The following WWC2 variants were observed in gnomAD, a reference collection of about 807,000 sequenced individuals.
The protein encoded by WWC2 is protein WWC2.
In WWC2, 101 loss-of-function variants were observed where a neutral mutation model predicts 138.5. The ratio of observed to expected loss-of-function variants is 0.73; its 90% CI spans 0.62 to 0.86. The LOEUF (loss-of-function observed/expected upper bound fraction) is 0.86. Among genes scored for constraint, WWC2 ranks in the 40% least tolerant of loss-of-function variants. WWC2 has a pLI of 0.00. For synonymous variants in WWC2, 558 were observed against 538.4 expected (o/e 1.04, Z -0.50); for missense variants, 1,420 against 1,419.4 (o/e 1.00, Z -0.01).
intron 21 of WWC2, among the ~76,000 whole-genome samples, chr4:183,298,969 A>AT (rs779227360): frequency 4.6e-5 from 7 of 152,170 alleles, no homozygotes; most frequent in African/African-American, 1.7e-4. Flanking sequence ...TGCAGAGCAG[A>AT]TTTTTTATCA....
At chr4:183,138,693 C>T (rs1733198584) in intron 1 of WWC2, among the ~76,000 whole-genome samples, 2 of 152,154 alleles carry the variant, frequency 1.3e-5, no homozygotes, top group African/African-American at 2.4e-5. Flanking sequence ...TCCTTTAGGG[C>T]CCCATTTCCT....
chr4:183,145,747 C>A (rs568370649), intron 1 of WWC2, among the ~76,000 whole-genome samples: 186 of 152,308 alleles, frequency 1.2e-3, no homozygotes, highest in Non-Finnish European at 2.4e-3. Flanking sequence ...ATTTCCAGAG[C>A]CAATAGCAGA....
At chr4:183,189,801 G>A (rs897728588) in intron 1 of WWC2, among the ~76,000 whole-genome samples, 4 of 152,110 alleles carry the variant, frequency 2.6e-5, no homozygotes, top group Middle Eastern at 3.2e-3. Flanking sequence ...TTTTTTAAGT[G>A]CTTATTCATT....
Position 183,318,294 on chromosome 4 carries a change from A to T in WWC2, c.*2565A>T, listed in dbSNP as rs1422943239. On this transcript the variant is annotated 3_prime_UTR_variant, in exon 23 of 23. Transcript: ENST00000403733. ...TAGCATGCAAATCAAATAAATTAAA[A>T]TTTTTTGCTATTGCTTTATCTATAT... The T allele has an allele frequency of 2.6e-5, 4 of 152,604 alleles. No individual in the cohort carries two copies. The East Asian group carries it at 7.7e-4, about 29-fold the overall frequency. The allele number at this position is 152,604 out of a possible 1,614,324, so 9.5% of individuals were successfully genotyped here. A position where few individuals can be genotyped will look rare whatever the true frequency, so the allele number is the denominator to read the frequency against.
intron 16 of WWC2, among the ~76,000 whole-genome samples, chr4:183,278,059 A>G (rs1183605540): frequency 5.9e-5 from 9 of 152,206 alleles, no homozygotes; most frequent in East Asian, 3.9e-4. Context: ...GCCCATGCCT[A>G]TGTCCTGAAT....
intron 1 of WWC2, among the ~76,000 whole-genome samples, chr4:183,187,540 G>C (rs1734843494): frequency 1.1e-5 from 1 of 87,684 alleles, no homozygotes; most frequent in African/African-American, 4.8e-5. Context: ...GCGACAGAAC[G>C]AGACTCCGTC....
intron 16 of WWC2, among the ~76,000 whole-genome samples, chr4:183,273,607 T>C (rs1404130934): frequency 6.6e-6 from 1 of 152,130 alleles, no homozygotes; most frequent in Non-Finnish European, 1.5e-5. Context: ...CCAGCCTGTT[T>C]ATTTTTTTAT....
chr4:183,261,565 T>C (rs1341952803), intron 11 of WWC2, 33 bp downstream of exon 11: 2 of 1,572,152 alleles, frequency 1.3e-6, no homozygotes, highest in Non-Finnish European at 1.7e-6. Flanking sequence ...ATGTATTCCC[T>C]GTTAGTGATT....
At chr4:183,101,594 A>C (rs528124083) in intron 1 of WWC2, among the ~76,000 whole-genome samples, 12 of 152,318 alleles carry the variant, frequency 7.9e-5, no homozygotes, top group Non-Finnish European at 1.6e-4. Context: ...TTATATACTC[A>C]GTTTAAATTT....
intron 1 of WWC2, among the ~76,000 whole-genome samples, chr4:183,145,224 T>C (rs1733419717): frequency 6.6e-6 from 1 of 152,212 alleles, no homozygotes; most frequent in Non-Finnish European, 1.5e-5. Flanking sequence ...TAAATGTGTG[T>C]CATTTGTAAC....
intron 7 of WWC2, among the ~76,000 whole-genome samples, 192 bp from the exon 8 acceptor site, chr4:183,249,728 T>C (rs1232539766): frequency 6.6e-6 from 1 of 152,210 alleles, no homozygotes; most frequent in Non-Finnish European, 1.5e-5. Context: ...GAAAAACAGA[T>C]GAGCTTGAAT....
intron 1 of WWC2, among the ~76,000 whole-genome samples, chr4:183,137,788 C>T (rs890992889): frequency 1.1e-4 from 16 of 152,132 alleles, no homozygotes; most frequent in Admixed American, 7.9e-4. Context: ...TGTGAGCCAC[C>T]GTGCCTGGCC....
intron 1 of WWC2, among the ~76,000 whole-genome samples, chr4:183,185,769 G>A (rs1409279817): frequency 6.6e-6 from 1 of 152,068 alleles, no homozygotes; most frequent in South Asian, 2.1e-4. Flanking sequence ...TTGGAGAGGA[G>A]TGTTTATTTT....
At chr4:183,303,811 A>G (rs1560895953) in intron 21 of WWC2, among the ~76,000 whole-genome samples, 1 of 152,072 alleles carries the variant, frequency 6.6e-6, no homozygotes, top group South Asian at 2.1e-4. Context: ...ATATGAATAC[A>G]CTGATGTAGG....
At chr4:183,306,453 G>A (rs905856403) in intron 21 of WWC2, among the ~76,000 whole-genome samples, 5 of 152,102 alleles carry the variant, frequency 3.3e-5, no homozygotes, top group African/African-American at 1.2e-4. Context: ...ACGAAAGTGG[G>A]AGTAGCTATA....
intron 17 of WWC2, 131 bp from the exon 18 acceptor site, chr4:183,282,577 C>A: frequency 2.2e-6 from 2 of 911,044 alleles, no homozygotes; most frequent in Non-Finnish European, 3.3e-6. Flanking sequence ...GTTAAAAACC[C>A]CAGCCAAAGA....
At position 183,265,141 on chromosome 4, in the gene WWC2, C is replaced by T. The variant is rs528274827; in HGVS notation, c.2039+34C>T. 1.3e-5 allele frequency: 21 copies of T among 1,577,726 alleles called. No homozygotes were observed. The East Asian group carries it at 2.3e-4, about 17-fold the overall frequency. ...TCAGCAGGGGCGCTTTTAGCTCCAG[C>T]GAATCTCCATCGCCGTGGATGTGGG... On this transcript the variant is annotated intron_variant, in intron 12 of 22. Coordinates refer to ENST00000403733, the MANE Select transcript of WWC2 (RefSeq NM_024949.6).
chr4:183,269,168 G>T lies in WWC2; in HGVS notation c.2400+5G>T. ...CACCGAAGGGAAGAATGCCTGGTAG[G>T]ATTCTTCATAATTCCCATTACCAAA... On this transcript the variant is annotated splice_donor_5th_base_variant and intron_variant, in intron 15 of 22. Transcript: ENST00000403733. 2 of 1,600,546 alleles carry T rather than the reference G, an allele frequency of 1.2e-6. No homozygotes were observed. The highest frequency in any genetic ancestry group is 1.1e-5 in the South Asian group (1 of 88,630).
At chr4:183,182,880 A>T (rs971925170) in intron 1 of WWC2, among the ~76,000 whole-genome samples, 4 of 152,210 alleles carry the variant, frequency 2.6e-5, no homozygotes, top group African/African-American at 9.6e-5. Context: ...TAAATAGAAA[A>T]TTTTTGAAAG....
Sources: allele counts gnomAD v4.1 joint callset (sites outside exome capture counted in the v4.1 genomes callset), GRCh38; gene constraint gnomAD v4.1.1; transcripts MANE v1.5; gene names NCBI Gene and HGNC (gene_info 2026-07-23, HGNC 2026-07-21).